The following MAP3K13 variants were observed in gnomAD, a reference collection of about 807,000 sequenced individuals.
The protein encoded by MAP3K13 is leucine zipper-bearing kinase.
MAP3K13 carries 52 observed loss-of-function variants against 104.0 expected under a neutral mutation model. The ratio of observed to expected loss-of-function variants is 0.50; its 90% CI spans 0.40 to 0.63. The LOEUF is 0.63. Among genes scored for constraint, MAP3K13 ranks in the 20% least tolerant of loss-of-function variants. The pLI is 0.00. For missense variants in MAP3K13, 914 were observed against 1,218.5 expected, an observed-to-expected ratio of 0.75 and a Z score of 3.72; for synonymous variants, 394 against 442.2, an observed-to-expected ratio of 0.89 and a Z score of 1.37.
At position 185,475,659 on chromosome 3, in the gene MAP3K13, C is replaced by G. The variant is rs1235208475; in HGVS notation, c.2431-1667C>G. ...CTGAGGTCAGGAGTTCGAGACCAGC[C>G]TGGCCAATATGGGAAACCCTGTCTC... On this transcript the variant is annotated intron_variant, in intron 11 of 13. Coordinates refer to ENST00000265026, the MANE Select transcript of MAP3K13 (RefSeq NM_004721.5). Among the ~76,000 whole-genome samples the G allele has an allele frequency of 2.0e-5, 3 of 152,122 alleles. 1 individual carries two copies. The highest frequency in any genetic ancestry group is 4.1e-4 in the South Asian group (2 of 4,820).
intron 2 of MAP3K13, 97 bp from the exon 3 acceptor site, chr3:185,437,350 C>A: frequency 9.6e-7 from 1 of 1,040,030 alleles, no homozygotes; most frequent in Admixed American, 2.3e-5. Flanking sequence ...GGGTAAGGGT[C>A]ATCCTGGGTG....
chr3:185,458,576 T>C (rs534132982), intron 7 of MAP3K13, among the ~76,000 whole-genome samples: 17 of 152,278 alleles, frequency 1.1e-4, no homozygotes, highest in African/African-American at 4.1e-4. Context: ...GGAACTCCTA[T>C]TGTGTTTGAC....
intron 2 of MAP3K13, among the ~76,000 whole-genome samples, chr3:185,301,979 T>A (rs552793167): frequency 0.01 from 1,584 of 151,900 alleles, 16 homozygotes; most frequent in South Asian, 0.023. Context: ...GAATTAAAAA[T>A]TTTTGTTTTC....
At chr3:185,373,823 A>ATTTTTTTTTTTTTTTT (rs148364519) in intron 1 of MAP3K13, among the ~76,000 whole-genome samples, 1 of 113,360 alleles carries the variant, frequency 8.8e-6, no homozygotes, top group African/African-American at 3.5e-5. Context: ...AGTGAAAAGG[A>ATTTTTTTTTTTTTTTT]TTTTTTTTTT....
At chr3:185,477,083 A>C (rs575550589) in intron 11 of MAP3K13, 8 of 625,876 alleles carry the variant, frequency 1.3e-5, no homozygotes, top group Non-Finnish European at 2.1e-5. Flanking sequence ...TCTGAGGACA[A>C]AGAAAATTTC....
intron 1 of MAP3K13, among the ~76,000 whole-genome samples, chr3:185,400,105 A>G (rs1167077047): frequency 6.6e-6 from 1 of 152,066 alleles, no homozygotes; most frequent in East Asian, 1.9e-4. Context: ...ACCTCTCCAT[A>G]GTTCTCTGTC....
intron 1 of MAP3K13, 70 bp downstream of exon 1, chr3:185,363,438 A>G: frequency 1.3e-6 from 1 of 782,564 alleles, no homozygotes; most frequent in African/African-American, 1.9e-5. Flanking sequence ...AGAATGTGTG[A>G]TTTGAGGTGA....
intron 2 of MAP3K13, among the ~76,000 whole-genome samples, chr3:185,312,295 G>A (rs969640516): frequency 6.6e-6 from 1 of 152,262 alleles, no homozygotes; most frequent in African/African-American, 2.4e-5. Context: ...CCAAGATGCA[G>A]ACAGAAGATA....
At chr3:185,361,344 T>G (rs1394690183), upstream of MAP3K13, among the ~76,000 whole-genome samples, 1 of 151,750 alleles carries the variant, frequency 6.6e-6, no homozygotes, top group African/African-American at 2.4e-5. Flanking sequence ...TGGCTTTGGT[T>G]GTTGTTAAAT....
chr3:185,453,058 GATT>G (rs1357891678), intron 7 of MAP3K13, among the ~76,000 whole-genome samples: 2 of 152,128 alleles, frequency 1.3e-5, no homozygotes, highest in Non-Finnish European at 2.9e-5. Context: ...ATGTCATAAG[GATT>G]GGTCATCTAA....
chr3:185,407,198 A>AT lies in MAP3K13; in HGVS notation c.-85-21293dup, dbSNP rs563172948. ...ATAAATAATGTTTCTTTTTTAAACC[A>AT]TTTTTTGCCACCACCAGACCCTAGA... On this transcript the variant is annotated intron_variant, in intron 1 of 13. Coordinates refer to ENST00000265026, the MANE Select transcript of MAP3K13 (RefSeq NM_004721.5). 8.6e-5 allele frequency among the ~76,000 whole-genome samples: 13 copies of AT among 152,022 alleles called. No individual in the cohort carries two copies. The East Asian group carries it at 2.3e-3, about 27-fold the overall frequency.
chr3:185,447,836 C>T lies in MAP3K13; in HGVS notation c.899C>T (p.Thr300Ile), dbSNP rs1000145760. The change falls in exon 5 of 14, where the codon ACA (threonine) becomes ATA (isoleucine). Residue 300 changes from threonine (T) to isoleucine (I), a missense_variant. By Grantham distance (89) the Thr-to-Ile change is moderately conservative. Coordinates refer to ENST00000265026, the MANE Select transcript of MAP3K13 (RefSeq NM_004721.5). ...GCGGTAAAAATTTCAGATTTTGGTA[C>T]ATCTAAGGAACTCAGTGACAAAAGT... Reference protein sequence around the residue: ...TDAVKISDFGTSKELSDKSTK... With the variant: ...TDAVKISDFGISKELSDKSTK... 3.1e-6 allele frequency: 5 copies of T among 1,613,602 alleles called. No individual in the cohort carries two copies. The highest frequency in any genetic ancestry group is 4.2e-6 in the Non-Finnish European group (5 of 1,179,886).
intron 10 of MAP3K13, among the ~76,000 whole-genome samples, chr3:185,469,859 T>C (rs1413416923): frequency 6.6e-6 from 1 of 152,204 alleles, no homozygotes. Context: ...GATTGAAAAT[T>C]AGGAGAGACT....
At chr3:185,407,176 A>T (rs543625049) in intron 1 of MAP3K13, among the ~76,000 whole-genome samples, 1 of 152,274 alleles carries the variant, frequency 6.6e-6, no homozygotes, top group African/African-American at 2.4e-5. Flanking sequence ...CTTGGATATA[A>T]ATAATGTTTC....
chr3:185,307,295 T>G (rs886285292), intron 2 of MAP3K13, among the ~76,000 whole-genome samples: 12 of 152,100 alleles, frequency 7.9e-5, no homozygotes, highest in Admixed American at 7.2e-4. Context: ...CTCTCTCTCC[T>G]TCTTTTGATA....
chr3:185,471,479 G>A (rs1390033565), intron 10 of MAP3K13, among the ~76,000 whole-genome samples: 1 of 93,138 alleles, frequency 1.1e-5, no homozygotes, highest in Non-Finnish European at 2.0e-5. Flanking sequence ...TTTTTTTTGA[G>A]ATGGAGTCTC....
intron 2 of MAP3K13, among the ~76,000 whole-genome samples, chr3:185,305,342 C>G (rs1721255712): frequency 6.6e-6 from 1 of 152,108 alleles, no homozygotes; most frequent in African/African-American, 2.4e-5. Flanking sequence ...TTGTAACAAT[C>G]TATTTTAAAC....
chr3:185,362,232 T>C (rs1337069726), upstream of MAP3K13, among the ~76,000 whole-genome samples: 1 of 152,160 alleles, frequency 6.6e-6, no homozygotes, highest in Admixed American at 6.5e-5. Flanking sequence ...CATTGTGAAG[T>C]GTAGTGATGG....
intron 2 of MAP3K13, among the ~76,000 whole-genome samples, chr3:185,321,128 A>G (rs753289936): frequency 6.6e-6 from 1 of 151,664 alleles, no homozygotes; most frequent in Non-Finnish European, 1.5e-5. Context: ...ACACACATAT[A>G]CACATGTGTA....
Sources: gnomAD v4.1 joint callset for allele counts (sites outside exome capture counted in the v4.1 genomes callset) on GRCh38, gnomAD v4.1.1 for gene constraint, MANE v1.5 for transcripts, NCBI Gene and HGNC (gene_info 2026-07-23, HGNC 2026-07-21) for gene names.